NUP35: variants seen among roughly 807,000 people sequenced by gnomAD.
NUP35 encodes the protein nucleoporin NUP35.
NUP35 carries 25 observed loss-of-function variants against 41.5 expected under a neutral mutation model. The observed-to-expected ratio is 0.60, with a 90% CI of 0.44 to 0.84. NUP35 has a LOEUF of 0.84. Ranked by LOEUF, NUP35 falls within the 40% of genes least tolerant of loss-of-function variation. NUP35 has a pLI of 0.00. For synonymous variants in NUP35, 149 were observed against 130.7 expected (o/e 1.14, Z -0.96); for missense variants, 396 against 396.6 (o/e 1.00, Z 0.01).
chr2:183,126,353 T>A (rs1227567673), intron 1 of NUP35, among the ~76,000 whole-genome samples: 5 of 152,240 alleles, frequency 3.3e-5, no homozygotes, highest in African/African-American at 1.2e-4. Flanking sequence ...ACATCAGAAC[T>A]TTTCTTAAGC....
chr2:183,158,029 T>C (rs1685731521), intron 6 of NUP35, among the ~76,000 whole-genome samples: 3 of 120,786 alleles, frequency 2.5e-5, no homozygotes, highest in Non-Finnish European at 1.7e-5. Context: ...AAGTGTTGCT[T>C]TGATCTCTTT....
chr2:183,138,460 A>T (rs1208696619), intron 4 of NUP35, among the ~76,000 whole-genome samples: 1 of 151,726 alleles, frequency 6.6e-6, no homozygotes, highest in African/African-American at 2.4e-5. Flanking sequence ...TTTATTTTGT[A>T]AACATTCTGT....
intron 5 of NUP35, 123 bp downstream of exon 5, chr2:183,151,772 G>A: frequency 1.2e-6 from 1 of 805,012 alleles, no homozygotes; most frequent in Admixed American, 2.7e-5. Context: ...TACCACCTAG[G>A]TTCTATGGTT....
At chr2:183,150,494 A>G (rs369934647) in intron 4 of NUP35, among the ~76,000 whole-genome samples, 3 of 151,862 alleles carry the variant, frequency 2.0e-5, no homozygotes, top group African/African-American at 4.8e-5. Flanking sequence ...CACTTCTTCA[A>G]ATATTGTTTT....
At chr2:183,123,329 C>T (rs142606389), upstream of NUP35, among the ~76,000 whole-genome samples, 2 of 152,150 alleles carry the variant, frequency 1.3e-5, no homozygotes, top group South Asian at 2.1e-4. Context: ...TGCAAAGACC[C>T]GATTTCCAAA....
intron 4 of NUP35, among the ~76,000 whole-genome samples, chr2:183,149,939 C>G (rs1349426051): frequency 6.6e-6 from 1 of 151,838 alleles, no homozygotes; most frequent in Non-Finnish European, 1.5e-5. Flanking sequence ...GACAGAGTCT[C>G]TCTGTCACCC....
chr2:183,148,007 C>G (rs571525522), intron 4 of NUP35, among the ~76,000 whole-genome samples: 194 of 151,776 alleles, frequency 1.3e-3, no homozygotes, highest in African/African-American at 4.4e-3. Context: ...AGAAATGCTA[C>G]TGATTTTTGT....
intron 2 of NUP35, among the ~76,000 whole-genome samples, chr2:183,129,608 A>T (rs144038259): frequency 6.6e-6 from 1 of 152,222 alleles, no homozygotes; most frequent in African/African-American, 2.4e-5. Context: ...CAGTATGCTA[A>T]TCATTATTTT....
intron 1 of NUP35, among the ~76,000 whole-genome samples, chr2:183,126,455 G>A (rs1684493313): frequency 6.6e-6 from 1 of 151,992 alleles, no homozygotes; most frequent in African/African-American, 2.4e-5. Flanking sequence ...CGTTTAATAT[G>A]GTATTCTGAA....
At chr2:183,142,702 A>G (rs149186169) in intron 4 of NUP35, among the ~76,000 whole-genome samples, 8,190 of 148,324 alleles carry the variant, frequency 0.055, 283 homozygotes, top group Middle Eastern at 0.083. Context: ...CTGGTCTTGA[A>G]CTCCTGACCT....
chr2:183,143,784 C>G (rs1349916088), intron 4 of NUP35, among the ~76,000 whole-genome samples: 3 of 152,084 alleles, frequency 2.0e-5, no homozygotes, highest in Non-Finnish European at 4.4e-5. Context: ...AAACCTGACA[C>G]TTTTTTAGAG....
At chr2:183,142,219 G>A (rs1685118026) in intron 4 of NUP35, among the ~76,000 whole-genome samples, 2 of 152,012 alleles carry the variant, frequency 1.3e-5, no homozygotes, top group African/African-American at 4.8e-5. Context: ...TTTTGCTGGG[G>A]AATTGATGGA....
intron 1 of NUP35, among the ~76,000 whole-genome samples, chr2:183,126,100 A>T (rs967105161): frequency 2.0e-5 from 3 of 151,864 alleles, no homozygotes; most frequent in African/African-American, 7.3e-5. Context: ...GCAGTCGTGC[A>T]GTCTCAGCTC....
At chr2:183,144,334 A>G (rs74693717) in intron 4 of NUP35, among the ~76,000 whole-genome samples, 6,959 of 152,266 alleles carry the variant, frequency 0.046, 245 homozygotes, top group South Asian at 0.15. Flanking sequence ...TGAATTACCA[A>G]TCAGGTGGTT....
chr2:183,160,393 T>C (rs987214349), intron 8 of NUP35: 12 of 152,276 alleles, frequency 7.9e-5, no homozygotes, highest in African/African-American at 2.9e-4. Context: ...TCAATTTTTC[T>C]TTCTTTTGTT....
chr2:183,159,854 A>AG (rs1685807321), intron 8 of NUP35: 2 of 469,626 alleles, frequency 4.3e-6, no homozygotes, highest in East Asian at 7.2e-5. Context: ...ATTAAAAAAA[A>AG]AAAATTATTT....
chr2:183,126,076 A>G (rs1337794576), intron 1 of NUP35, among the ~76,000 whole-genome samples: 1 of 150,830 alleles, frequency 6.6e-6, no homozygotes, highest in Admixed American at 6.6e-5. Context: ...CAGCCGTGTC[A>G]CCTGGGCTGG....
chr2:183,120,400 C>T (rs997913288), upstream of NUP35, among the ~76,000 whole-genome samples: 2 of 148,452 alleles, frequency 1.3e-5, no homozygotes, highest in East Asian at 2.0e-4. Flanking sequence ...AACCTGAGAT[C>T]GCTCCACTGT....
chr2:183,127,278 A>ATTT lies in NUP35; in HGVS notation c.41-996_41-994dup, dbSNP rs55711123. On this transcript the variant is annotated intron_variant, in intron 1 of 8. Coordinates refer to ENST00000295119, the MANE Select transcript of NUP35 (RefSeq NM_138285.5). ...GGGGATATTTAATGATGATTCTTTAATTTTTTTTTTTTTTTAAATAAAAAA... is the reference window on the plus strand; with the variant it reads ...GGGGATATTTAATGATGATTCTTTAATTTTTTTTTTTTTTTTTTAAATAAAAAA... Among the ~76,000 whole-genome samples the ATTT allele has an allele frequency of 4.8e-5, 7 of 144,668 alleles. No homozygotes were observed. The East Asian group carries it at 1.4e-3, about 29-fold the overall frequency. 94.9% of individuals were successfully genotyped at this position (144,668 alleles called of 152,430 possible).
Sources: gnomAD v4.1 joint callset for allele counts (sites outside exome capture counted in the v4.1 genomes callset) on GRCh38, gnomAD v4.1.1 for gene constraint, MANE v1.5 for transcripts, NCBI Gene and HGNC (gene_info 2026-07-23, HGNC 2026-07-21) for gene names.